CCDC146: variants seen among roughly 807,000 people sequenced by gnomAD.
CCDC146 encodes the protein coiled-coil domain containing 146.
CCDC146 carries 92 observed loss-of-function variants against 119.3 expected under a neutral mutation model. That is an observed-to-expected ratio of 0.77 (90% CI 0.65 to 0.92). CCDC146 has a LOEUF of 0.92. Among genes scored for constraint, CCDC146 ranks in the 40% least tolerant of loss-of-function variants. The pLI, the probability that CCDC146 is intolerant of heterozygous loss-of-function variation, is 0.00. For missense variants in CCDC146, 1,000 were observed against 1,103.0 expected (o/e 0.91, Z 1.32); for synonymous variants, 372 against 371.8 (o/e 1.00, Z -0.01).
chr7:77,189,701 G>A (rs1283224345), intron 2 of CCDC146, among the ~76,000 whole-genome samples: 3 of 152,148 alleles, frequency 2.0e-5, no homozygotes, highest in African/African-American at 4.8e-5. Flanking sequence ...ACCCTCTGCT[G>A]TTTCACACAG....
At chr7:77,197,779 G>A (rs1465002683) in intron 2 of CCDC146, among the ~76,000 whole-genome samples, 1 of 152,062 alleles carries the variant, frequency 6.6e-6, no homozygotes, top group Non-Finnish European at 1.5e-5. Context: ...TTCTTATTCT[G>A]TATTTATTAT....
At chr7:77,268,250 G>A (rs1793445010) in intron 9 of CCDC146, among the ~76,000 whole-genome samples, 1 of 152,142 alleles carries the variant, frequency 6.6e-6, no homozygotes, top group South Asian at 2.1e-4. Flanking sequence ...CTTGGACAAT[G>A]TTCATGTTTT....
intron 18 of CCDC146, among the ~76,000 whole-genome samples, chr7:77,293,450 G>A (rs1384753181): frequency 3.3e-5 from 5 of 152,198 alleles, no homozygotes; most frequent in African/African-American, 9.7e-5. Flanking sequence ...CTGGGCTGCT[G>A]AGGCTGAACA....
At chr7:77,200,968 G>A (rs1791976520) in intron 2 of CCDC146, among the ~76,000 whole-genome samples, 1 of 152,094 alleles carries the variant, frequency 6.6e-6, no homozygotes, top group Non-Finnish European at 1.5e-5. Flanking sequence ...ACACTCTGTA[G>A]CCTATCTCAT....
chr7:77,279,038 A>G lies in CCDC146; in HGVS notation c.1631A>G (p.Glu544Gly). 6.8e-6 allele frequency: 11 copies of G among 1,608,718 alleles called. No individual in the cohort carries two copies. The highest frequency in any genetic ancestry group is 9.3e-6 in the Non-Finnish European group (11 of 1,177,122). Reference sequence around the variant, plus strand: ...CATCAGAAAGTAAATGAAATAAAAGAAAGGCATAAAATGTCATTAAATGAA... The same window carrying G: ...CATCAGAAAGTAAATGAAATAAAAGGAAGGCATAAAATGTCATTAAATGAA... ...KAHQKVNEIK[E>G]RHKMSLNELE... Residue 544 changes from glutamate to glycine, a missense_variant, in exon 13 of 19, where the codon GAA becomes GGA. Transcript: ENST00000285871.
intron 2 of CCDC146, among the ~76,000 whole-genome samples, chr7:77,179,700 A>G (rs1265635251): frequency 6.6e-6 from 1 of 152,038 alleles, no homozygotes; most frequent in Admixed American, 6.6e-5. Context: ...GGGTCAGTGG[A>G]TTTGCTCGTT....
Position 77,197,140 on chromosome 7 carries a change from GGCCTCACAAGAAGAACCTAAT to G in CCDC146, c.156+29318_156+29338del, listed in dbSNP as rs1178905572. 2.0e-5 allele frequency among the ~76,000 whole-genome samples: 3 copies of G among 152,174 alleles called. No individual in the cohort carries two copies. The East Asian group carries it at 5.8e-4, about 29-fold the overall frequency. On this transcript the variant is annotated intron_variant, in intron 2 of 18. Coordinates refer to ENST00000285871, the MANE Select transcript of CCDC146 (RefSeq NM_020879.3). ...TTGAACCTGTTTAGCAAATGCTTAA[GGCCTCACAAGAAGAACCTAAT>G]GTTATAAAGCAGAAAGGACCTCTAA...
In CCDC146 at chr7:77,282,753, C is replaced by T; in HGVS notation, c.2116C>T (p.Leu706=). The change falls in exon 15 of 19, where the codon CTG becomes TTG. Residue 706 remains leucine (L), a synonymous_variant. Coordinates refer to ENST00000285871, the MANE Select transcript of CCDC146 (RefSeq NM_020879.3). ...GAAATTACTGCCAGCCAAGAGGTCC[C>T]TGGATGCCGACCTAGCTGTGCTCCA... is the stretch of plus-strand genomic sequence containing the variant. ...TQKLLPAKRS[L]DADLAVLQIQ... 2 of 1,614,178 alleles carry T rather than the reference C, an allele frequency of 1.2e-6. No homozygotes were observed. Among genetic ancestry groups the T allele is most frequent in the Non-Finnish European group, 8.5e-7 (1 of 1,179,990 alleles).
chr7:77,254,640 C>G (rs1418845991), intron 5 of CCDC146, 77 bp downstream of exon 5: 6 of 787,740 alleles, frequency 7.6e-6, no homozygotes, highest in Non-Finnish European at 1.0e-5. Context: ...TAATGTTTAT[C>G]ACAACCACCA....
At chr7:77,256,599 A>G (rs1793183337) in intron 6 of CCDC146, 90 bp downstream of exon 6, 1 of 1,029,090 alleles carries the variant, frequency 9.7e-7, no homozygotes, top group African/African-American at 1.6e-5. Flanking sequence ...GGTTGGATAA[A>G]GAGGGGTATT....
At chr7:77,290,656 G>C (rs2150557627) in intron 17 of CCDC146, among the ~76,000 whole-genome samples, 1 of 152,282 alleles carries the variant, frequency 6.6e-6, no homozygotes, top group South Asian at 2.1e-4. Context: ...AAATAAAAAT[G>C]GCAAAACTTA....
rs537343636 is a variant in CCDC146 at position 77,169,125 on chromosome 7, T to C, written c.156+1301T>C. ...AGGATTTCTTTAGTTTTCATGATAT[T>C]GACACTTTGAAGAGAAGAGGCCGGT... On this transcript the variant is annotated intron_variant, in intron 2 of 18. Transcript: ENST00000285871. Among the ~76,000 whole-genome samples, 3 of 152,212 alleles carry C rather than the reference T, an allele frequency of 2.0e-5. No individual in the cohort carries two copies. The East Asian group carries it at 5.8e-4, about 29-fold the overall frequency.
intron 2 of CCDC146, among the ~76,000 whole-genome samples, chr7:77,217,129 C>A (rs1792314874): frequency 6.6e-6 from 1 of 151,970 alleles, no homozygotes; most frequent in Non-Finnish European, 1.5e-5. Context: ...AATATGGAAA[C>A]AGAGTAAGAA....
intron 2 of CCDC146, among the ~76,000 whole-genome samples, chr7:77,231,807 CTGT>C (rs921997141): frequency 6.7e-5 from 10 of 148,186 alleles, no homozygotes; most frequent in South Asian, 2.2e-4. Flanking sequence ...AAGTTTCTGC[CTGT>C]TGTTGTTGTT....
chr7:77,131,442 G>A (rs1790784040), intron 1 of CCDC146, among the ~76,000 whole-genome samples: 1 of 152,066 alleles, frequency 6.6e-6, no homozygotes, highest in Non-Finnish European at 1.5e-5. Context: ...AACAGGCCGG[G>A]TGCAGTGGCT....
intron 2 of CCDC146, among the ~76,000 whole-genome samples, chr7:77,211,110 TACCC>T (rs1228007774): frequency 6.6e-6 from 1 of 152,178 alleles, no homozygotes; most frequent in African/African-American, 2.4e-5. Context: ...TCAGACCAAA[TACCC>T]AAGTAACCAC....
chr7:77,283,015 C>T (rs565270567), intron 15 of CCDC146, among the ~76,000 whole-genome samples: 1 of 152,292 alleles, frequency 6.6e-6, no homozygotes, highest in African/African-American at 2.4e-5. Flanking sequence ...TTCTGCTTTT[C>T]TTGGAATTTG....
At chr7:77,255,859 A>C (rs1237753180) in intron 5 of CCDC146, among the ~76,000 whole-genome samples, 1 of 152,234 alleles carries the variant, frequency 6.6e-6, no homozygotes, top group Non-Finnish European at 1.5e-5. Flanking sequence ...TAAGGAGTGC[A>C]AAGTGTTGGG....
chr7:77,156,767 C>A (rs1562818116), intron 1 of CCDC146, among the ~76,000 whole-genome samples: 2 of 152,030 alleles, frequency 1.3e-5, no homozygotes, highest in African/African-American at 2.4e-5. Flanking sequence ...TGTTGTTGTC[C>A]ATTAAATGGA....
Sources: allele counts gnomAD v4.1 joint callset (sites outside exome capture counted in the v4.1 genomes callset), GRCh38; gene constraint gnomAD v4.1.1; transcripts MANE v1.5; gene names NCBI Gene and HGNC (gene_info 2026-07-23, HGNC 2026-07-21).